PTPRD: variants seen among roughly 807,000 people sequenced by gnomAD.
The protein encoded by PTPRD is protein tyrosine phosphatase receptor type D, also known as receptor-type tyrosine-protein phosphatase delta.
Under a neutral mutation model 214.5 loss-of-function variants are expected in PTPRD, and 34 were observed. That is an observed-to-expected ratio of 0.16 (90% CI 0.12 to 0.21). PTPRD has a LOEUF of 0.21. Among genes scored for constraint, PTPRD ranks in the 10% least tolerant of loss-of-function variants. The pLI is 1.00. For missense variants in PTPRD, 2,545 were observed against 2,398.7 expected, an observed-to-expected ratio of 1.06 and a Z score of -1.27; for synonymous variants, 1,128 against 845.7, an observed-to-expected ratio of 1.33 and a Z score of -5.79.
chr9:8,657,704 T>C (rs1195620091), intron 12 of PTPRD, among the ~76,000 whole-genome samples: 6 of 152,192 alleles, frequency 3.9e-5, no homozygotes, highest in Non-Finnish European at 8.8e-5. Context: ...CATGAAATCT[T>C]TGCCCGTGCC....
intron 9 of PTPRD, among the ~76,000 whole-genome samples, chr9:9,312,667 G>A (rs1454327081): frequency 1.3e-5 from 2 of 152,164 alleles, no homozygotes; most frequent in Non-Finnish European, 2.9e-5. Context: ...GTGGGTTCCT[G>A]TGTTGTGCCC....
chr9:9,562,985 C>T (rs2083367243), intron 8 of PTPRD, among the ~76,000 whole-genome samples: 1 of 152,126 alleles, frequency 6.6e-6, no homozygotes, highest in Admixed American at 6.5e-5. Context: ...AGTAGCTGCT[C>T]ACCAAATATT....
chr9:8,512,799 G>C (rs1047946591), intron 21 of PTPRD, among the ~76,000 whole-genome samples: 1 of 151,914 alleles, frequency 6.6e-6, no homozygotes, highest in Non-Finnish European at 1.5e-5. Flanking sequence ...TCAGAAAAAA[G>C]ACACATATTA....
intron 3 of PTPRD, among the ~76,000 whole-genome samples, chr9:10,282,109 G>A (rs1213385554): frequency 6.6e-6 from 1 of 152,102 alleles, no homozygotes; most frequent in Non-Finnish European, 1.5e-5. Flanking sequence ...AGCAGTCATG[G>A]AAAGATCATG....
intron 8 of PTPRD, among the ~76,000 whole-genome samples, chr9:9,426,548 G>C (rs548040067): frequency 1.3e-5 from 2 of 152,300 alleles, no homozygotes; most frequent in East Asian, 3.9e-4. Context: ...TGACAGCTTT[G>C]AAGAGTGTAG....
intron 2 of PTPRD, chr9:10,532,216 G>C (rs1017208116): frequency 6.6e-6 from 1 of 152,200 alleles, no homozygotes; most frequent in African/African-American, 2.4e-5. Context: ...CAGTGGGGAC[G>C]CTGTGAGCTG....
At chr9:9,331,450 C>T (rs2042286059) in intron 9 of PTPRD, among the ~76,000 whole-genome samples, 1 of 152,022 alleles carries the variant, frequency 6.6e-6, no homozygotes, top group Admixed American at 6.6e-5. Flanking sequence ...GCATCTAATC[C>T]TATCAATTGA....
At chr9:9,119,726 G>T (rs990705514) in intron 10 of PTPRD, among the ~76,000 whole-genome samples, 23 of 151,942 alleles carry the variant, frequency 1.5e-4, no homozygotes, top group African/African-American at 5.6e-4. Context: ...GTTTCACCAT[G>T]TTGCCCAGGG....
At chr9:9,932,542 A>T (rs1389222168) in intron 5 of PTPRD, among the ~76,000 whole-genome samples, 1 of 117,100 alleles carries the variant, frequency 8.5e-6, no homozygotes, top group Non-Finnish European at 1.7e-5. Context: ...GAATAAAAAG[A>T]AATGAGCAAA....
chr9:10,069,137 C>T (rs1209222682), intron 3 of PTPRD, among the ~76,000 whole-genome samples: 8 of 151,902 alleles, frequency 5.3e-5, no homozygotes, highest in African/African-American at 9.7e-5. Flanking sequence ...TCTGCCTATC[C>T]CTGTGGCATT....
Position 10,443,348 on chromosome 9 carries a change from T to C in PTPRD, c.-599-102331A>G, listed in dbSNP as rs140632454. 4.0e-3 allele frequency among the ~76,000 whole-genome samples: 609 copies of C among 151,772 alleles called. 3 individuals carry two copies. Among genetic ancestry groups the C allele is most frequent in the African/African-American group, 0.014 (579 of 41,476 alleles). ...GTGAGCCGCTACATTCAATCTATGG[T>C]AGTAAATCTTCCAAACTAACTTCAC... On this transcript the variant is annotated intron_variant, in intron 2 of 45. Coordinates refer to ENST00000381196, the MANE Select transcript of PTPRD (RefSeq NM_002839.4).
chr9:10,085,546 T>G lies in PTPRD; in HGVS notation c.-544-51756A>C, dbSNP rs562067495. On this transcript the variant is annotated intron_variant, in intron 3 of 45. Coordinates refer to ENST00000381196, the MANE Select transcript of PTPRD (RefSeq NM_002839.4). The stretch of plus-strand genomic sequence containing the variant: ...CCAGCACAATATGTCATAAGAGATG[T>G]AAGTGGAAAAGGGAAAGAGATGCTG... Among the ~76,000 whole-genome samples, 12 of 151,782 alleles carry G rather than the reference T, an allele frequency of 7.9e-5. No homozygotes were observed. In the East Asian group the frequency reaches 2.3e-3, roughly 30 times the overall value.
At chr9:9,158,252 C>G (rs1470411769) in intron 10 of PTPRD, among the ~76,000 whole-genome samples, 2 of 152,036 alleles carry the variant, frequency 1.3e-5, no homozygotes, top group Non-Finnish European at 2.9e-5. Flanking sequence ...ATTGCTGGGT[C>G]AACTGGTATT....
intron 9 of PTPRD, among the ~76,000 whole-genome samples, chr9:9,261,111 T>C (rs1359035873): frequency 6.6e-6 from 1 of 151,896 alleles, no homozygotes; most frequent in East Asian, 2.0e-4. Flanking sequence ...TCAATTATCA[T>C]ACCACCAACA....
At chr9:8,884,531 T>C (rs2098471216) in intron 11 of PTPRD, among the ~76,000 whole-genome samples, 2 of 152,180 alleles carry the variant, frequency 1.3e-5, no homozygotes, top group Non-Finnish European at 2.9e-5. Flanking sequence ...GGCCTCAACA[T>C]AGCAGAAGAG....
At chr9:10,050,421 G>T (rs140055401) in intron 3 of PTPRD, among the ~76,000 whole-genome samples, 1 of 151,356 alleles carries the variant, frequency 6.6e-6, no homozygotes, top group Admixed American at 6.6e-5. Flanking sequence ...CTAGCCAGGC[G>T]TGGTGGCGCG....
intron 9 of PTPRD, among the ~76,000 whole-genome samples, chr9:9,272,775 A>G (rs1215175897): frequency 6.6e-6 from 1 of 151,186 alleles, no homozygotes; most frequent in East Asian, 2.0e-4. Flanking sequence ...TCATGTCCTA[A>G]AACCAGGTGT....
At chr9:8,437,179 A>G (rs1244406189) in intron 34 of PTPRD, 2 of 1,511,908 alleles carry the variant, frequency 1.3e-6, no homozygotes, top group Admixed American at 2.1e-5. Flanking sequence ...TGACTTATGC[A>G]TAATCAAGGA....
intron 11 of PTPRD, among the ~76,000 whole-genome samples, chr9:8,912,594 T>C (rs2098755744): frequency 6.6e-6 from 1 of 152,164 alleles, no homozygotes; most frequent in Admixed American, 6.5e-5. Context: ...AACATTGAAT[T>C]GTACACTTAT....
Sources: allele counts gnomAD v4.1 joint callset (sites outside exome capture counted in the v4.1 genomes callset), GRCh38; gene constraint gnomAD v4.1.1; transcripts MANE v1.5; gene names NCBI Gene and HGNC (gene_info 2026-07-23, HGNC 2026-07-21).